The following TGIF1 variants were observed in gnomAD, a reference collection of about 807,000 sequenced individuals.
The protein encoded by TGIF1 is homeobox protein TGIF1.
In TGIF1, 4 loss-of-function variants were observed where a neutral mutation model predicts 19.3. The ratio of observed to expected loss-of-function variants is 0.21; its 90% CI spans 0.10 to 0.47. TGIF1 has a LOEUF of 0.47. Ranked by LOEUF, TGIF1 falls within the 20% of genes least tolerant of loss-of-function variation. The pLI is 0.98. For synonymous variants in TGIF1, 122 were observed against 129.3 expected (o/e 0.94, Z 0.38); for missense variants, 275 against 341.4 (o/e 0.81, Z 1.53).
intron 2 of TGIF1, among the ~76,000 whole-genome samples, chr18:3,428,765 G>A (rs1254860848): frequency 2.0e-5 from 3 of 151,904 alleles, no homozygotes; most frequent in Non-Finnish European, 4.4e-5. Context: ...TTATAGGTCA[G>A]GCGCAGTGGC....
At chr18:3,452,200 T>A in intron 1 of TGIF1, 1 of 1,604,440 alleles carries the variant, frequency 6.2e-7, no homozygotes. Context: ...CCCTCTGCGC[T>A]CCTGGGGTCC....
chr18:3,434,143 A>G (rs1391853626), intron 2 of TGIF1, among the ~76,000 whole-genome samples: 2 of 152,180 alleles, frequency 1.3e-5, no homozygotes, highest in East Asian at 3.8e-4. Flanking sequence ...TAATCTCAGC[A>G]CTTTGGGAGG....
At chr18:3,449,792 G>T, upstream of TGIF1, 1 of 985,522 alleles carries the variant, frequency 1.0e-6, no homozygotes, top group Non-Finnish European at 1.2e-6. Context: ...TTTTCTTCCC[G>T]GGGGTGGAGG....
At chr18:3,413,637 A>G (rs762969460) in intron 1 of TGIF1, among the ~76,000 whole-genome samples, 9 of 152,096 alleles carry the variant, frequency 5.9e-5, no homozygotes, top group Non-Finnish European at 1.3e-4. Context: ...TGGGATGCCA[A>G]GGCGGGAGGA....
At chr18:3,433,853 A>G (rs1286904391) in intron 2 of TGIF1, among the ~76,000 whole-genome samples, 1 of 152,230 alleles carries the variant, frequency 6.6e-6, no homozygotes, top group Non-Finnish European at 1.5e-5. Context: ...ACTGAACTGT[A>G]TATTTAAAAT....
intron 2 of TGIF1, among the ~76,000 whole-genome samples, chr18:3,422,988 C>CT (rs1007884616): frequency 7.9e-5 from 12 of 152,110 alleles, no homozygotes; most frequent in East Asian, 5.8e-4. Context: ...CGCGCCCAGG[C>CT]TTTTTTTGTC....
chr18:3,454,194 TTGCTTAACTGAAACC>T (rs1443508620), intron 1 of TGIF1, among the ~76,000 whole-genome samples: 1 of 152,228 alleles, frequency 6.6e-6, no homozygotes, highest in African/African-American at 2.4e-5. Context: ...CAGTTTGGTG[TTGCTTAACTGAAACC>T]TGCTTTTGTG....
upstream of TGIF1, chr18:3,448,372 C>T: frequency 9.9e-7 from 1 of 1,007,252 alleles, no homozygotes; most frequent in Non-Finnish European, 1.2e-6. Flanking sequence ...CTCTAACGGG[C>T]GGCGGGGGCG....
upstream of TGIF1, chr18:3,447,928 C>A: frequency 1.4e-6 from 2 of 1,455,836 alleles, no homozygotes; most frequent in Non-Finnish European, 1.9e-6. Context: ...GTTCCCATCT[C>A]GGTTGCCTGA....
intron 2 of TGIF1, among the ~76,000 whole-genome samples, chr18:3,423,525 C>CA (rs575129967): frequency 2.0e-3 from 309 of 152,038 alleles, no homozygotes; most frequent in Middle Eastern, 3.4e-3. Flanking sequence ...TAAAAAAATA[C>CA]AAAAAATTAG....
chr18:3,445,492 A>G (rs936665789), upstream of TGIF1, among the ~76,000 whole-genome samples: 1 of 151,880 alleles, frequency 6.6e-6, no homozygotes, highest in African/African-American at 2.4e-5. Context: ...TGGGAGGCTG[A>G]GGCGGGCGGA....
At position 3,456,154 on chromosome 18, in the gene TGIF1, T is replaced by G; in HGVS notation, c.17-200T>G. The G allele has an allele frequency of 1.5e-6, 1 of 659,514 alleles. No individual in the cohort carries two copies. The highest frequency in any genetic ancestry group is 2.7e-6 in the Non-Finnish European group (1 of 367,662). 40.9% of individuals were successfully genotyped at this position (659,514 alleles called of 1,614,324 possible). ...AGCGGCTGAGAAAAGGCATCTGGCA[T>G]TTGGTTGAGAGCCTCCTATGTGGTG... On this transcript the variant is annotated intron_variant, in intron 1 of 2. Coordinates refer to ENST00000343820, the MANE Select transcript of TGIF1 (RefSeq NM_003244.4). This position sits in a 1 kb window ranked among gnomAD's most constrained non-coding sequence, Gnocchi z 4.2.
In TGIF1 at chr18:3,450,271, C is replaced by G. The variant is rs1204654848; in HGVS notation, c.-219C>G. 1.4e-6 allele frequency: 2 copies of G among 1,434,636 alleles called. No homozygotes were observed. The highest frequency in any genetic ancestry group is 1.8e-6 in the Non-Finnish European group (2 of 1,097,620). 88.9% of individuals were successfully genotyped at this position (1,434,636 alleles called of 1,614,324 possible). A position where few individuals can be genotyped will look rare whatever the true frequency, so the allele number is the denominator to read the frequency against. On this transcript the variant is annotated 5_prime_UTR_variant, in exon 1 of 3. Transcript: ENST00000343820. ...CGAGGGAGAGCCCCCGGCCGGCTGC[C>G]AGAAGATCCCGGCGGGAGGAAGCCC...
chr18:3,429,694 G>T (rs987097644), intron 2 of TGIF1, among the ~76,000 whole-genome samples: 1 of 152,118 alleles, frequency 6.6e-6, no homozygotes, highest in Non-Finnish European at 1.5e-5. Flanking sequence ...ACAAAATCAC[G>T]CATGGTTAAA....
intron 2 of TGIF1, among the ~76,000 whole-genome samples, chr18:3,442,913 TAGTG>T (rs1354607180): frequency 1.3e-5 from 2 of 152,218 alleles, no homozygotes; most frequent in Middle Eastern, 3.2e-3. Flanking sequence ...TATTCAGCGT[TAGTG>T]AGGGCACAAA....
At chr18:3,422,685 T>G (rs1434920459) in intron 2 of TGIF1, among the ~76,000 whole-genome samples, 3 of 125,056 alleles carry the variant, frequency 2.4e-5, no homozygotes, top group South Asian at 2.8e-4. Flanking sequence ...TTTTTTTTTT[T>G]TTTTTTTTTT....
At chr18:3,413,660 G>A (rs964387984) in intron 1 of TGIF1, among the ~76,000 whole-genome samples, 4 of 151,836 alleles carry the variant, frequency 2.6e-5, no homozygotes, top group East Asian at 1.9e-4. Context: ...ACTTGAACTC[G>A]GGAGTTCAAG....
At chr18:3,416,510 T>C (rs1321022936) in intron 1 of TGIF1, among the ~76,000 whole-genome samples, 1 of 151,954 alleles carries the variant, frequency 6.6e-6, no homozygotes, top group African/African-American at 2.4e-5. Context: ...AGCAAGATTC[T>C]GTCTCAAAAA....
chr18:3,433,354 G>A (rs1174983314), intron 2 of TGIF1, among the ~76,000 whole-genome samples: 4 of 152,052 alleles, frequency 2.6e-5, no homozygotes, highest in Admixed American at 2.0e-4. Context: ...GATTACAGGC[G>A]TCAGCCACCA....
Sources: allele counts gnomAD v4.1 joint callset (sites outside exome capture counted in the v4.1 genomes callset), GRCh38; gene constraint gnomAD v4.1.1; non-coding constraint Gnocchi (gnomAD v3.1); transcripts MANE v1.5; gene names NCBI Gene and HGNC (gene_info 2026-07-23, HGNC 2026-07-21).